The following FGF14 variants were observed in gnomAD, a reference collection of about 807,000 sequenced individuals.
FGF14 encodes fibroblast growth factor homologous factor 4.
In FGF14, 5 loss-of-function variants were observed where a neutral mutation model predicts 25.5. The ratio of observed to expected loss-of-function variants is 0.20; its 90% CI spans 0.10 to 0.41. The LOEUF (loss-of-function observed/expected upper bound fraction) is 0.41. Ranked by LOEUF, FGF14 falls within the 10% of genes least tolerant of loss-of-function variation. The probability of loss-of-function intolerance (pLI) is 1.00; values close to 1 mark genes in which losing one functional copy is unlikely to be tolerated. For missense variants in FGF14, 222 were observed against 320.1 expected (o/e 0.69, Z 2.34); for synonymous variants, 138 against 118.3 (o/e 1.17, Z -1.08).
At chr13:102,365,911 C>A (rs2057698278) in intron 1 of FGF14, among the ~76,000 whole-genome samples, 1 of 152,090 alleles carries the variant, frequency 6.6e-6, no homozygotes, top group Non-Finnish European at 1.5e-5. Flanking sequence ...TATGAGACAG[C>A]CATATTTCCA....
intron 3 of FGF14, among the ~76,000 whole-genome samples, chr13:101,807,488 C>A (rs1025968004): frequency 1.3e-5 from 2 of 152,072 alleles, no homozygotes; most frequent in Admixed American, 6.6e-5. Flanking sequence ...TATTCATTTA[C>A]GTCCTTCTAT....
intron 1 of FGF14, among the ~76,000 whole-genome samples, chr13:102,274,591 G>T (rs944425637): frequency 2.6e-4 from 39 of 152,092 alleles, no homozygotes; most frequent in Non-Finnish European, 8.8e-5. Flanking sequence ...ATGTTGCTCA[G>T]AAGTTCTGAT....
chr13:101,890,579 A>C (rs2046217047), intron 1 of FGF14, among the ~76,000 whole-genome samples: 1 of 152,164 alleles, frequency 6.6e-6, no homozygotes, highest in Non-Finnish European at 1.5e-5. Flanking sequence ...AGGTTACAAC[A>C]ATATGGGGTG....
chr13:101,724,845 A>C (rs1236600557), intron 4 of FGF14, among the ~76,000 whole-genome samples: 1 of 151,480 alleles, frequency 6.6e-6, no homozygotes, highest in Non-Finnish European at 1.5e-5. Context: ...TGAAAACATA[A>C]AAAGTATTAT....
At chr13:101,935,809 G>A (rs1229149455) in intron 1 of FGF14, among the ~76,000 whole-genome samples, 1 of 152,118 alleles carries the variant, frequency 6.6e-6, no homozygotes, top group African/African-American at 2.4e-5. Flanking sequence ...TATCCATCCA[G>A]CAAATGTCTC....
intron 1 of FGF14, among the ~76,000 whole-genome samples, chr13:101,915,799 T>C (rs1321617688): frequency 1.3e-5 from 2 of 152,196 alleles, no homozygotes; most frequent in Non-Finnish European, 2.9e-5. Context: ...TCGGATTCTT[T>C]CTTTAGACTC....
At chr13:102,377,696 T>C (rs1442695724) in intron 1 of FGF14, among the ~76,000 whole-genome samples, 7 of 152,130 alleles carry the variant, frequency 4.6e-5, no homozygotes, top group Non-Finnish European at 1.0e-4. Flanking sequence ...TAATCCCAGC[T>C]ACTCAGGAGG....
intron 1 of FGF14, among the ~76,000 whole-genome samples, chr13:102,048,289 G>T (rs548979044): frequency 1.3e-4 from 20 of 152,258 alleles, no homozygotes; most frequent in African/African-American, 4.3e-4. Flanking sequence ...TCTAGAAAAG[G>T]GGGTGTGAGG....
At chr13:102,047,694 G>A (rs113438753) in intron 1 of FGF14, among the ~76,000 whole-genome samples, 2 of 152,194 alleles carry the variant, frequency 1.3e-5, no homozygotes, top group South Asian at 2.1e-4. Context: ...TGGTGGGAAG[G>A]GGGAGGGATA....
intron 1 of FGF14, among the ~76,000 whole-genome samples, chr13:102,158,621 G>A (rs1315759273): frequency 2.0e-5 from 3 of 151,796 alleles, no homozygotes; most frequent in Non-Finnish European, 2.9e-5. Flanking sequence ...GTATACATAC[G>A]TAACAGACCT....
intron 1 of FGF14, among the ~76,000 whole-genome samples, chr13:101,907,688 T>A (rs186846778): frequency 6.6e-6 from 1 of 152,258 alleles, no homozygotes; most frequent in East Asian, 1.9e-4. Context: ...TAGAGAGAAA[T>A]GCATAACCAA....
In FGF14 at chr13:101,716,658, A is replaced by G. The variant is rs1290057674; in HGVS notation, c.*6173T>C. On this transcript the variant is annotated 3_prime_UTR_variant, in exon 5 of 5. Transcript: ENST00000376143. The stretch of plus-strand genomic sequence containing the variant: ...GTTACATATAAAATGGGCCTGAAGT[A>G]TGCATCCATTTCCCTTAAAATACTT... 6.6e-6 allele frequency: 1 copy of G among 152,082 alleles called. No homozygotes were observed. Among genetic ancestry groups the G allele is most frequent in the Non-Finnish European group, 1.5e-5 (1 of 68,008 alleles). 9.4% of individuals were successfully genotyped at this position (152,082 alleles called of 1,614,324 possible). A position where few individuals can be genotyped will look rare whatever the true frequency, so the allele number is the denominator to read the frequency against.
chr13:102,077,259 C>A (rs1420531007), intron 1 of FGF14, among the ~76,000 whole-genome samples: 1 of 151,898 alleles, frequency 6.6e-6, no homozygotes, highest in Admixed American at 6.6e-5. Flanking sequence ...GGATATAAAG[C>A]CAAAAGCACA....
chr13:101,935,187 G>T (rs1025052747), intron 1 of FGF14, among the ~76,000 whole-genome samples: 6 of 152,182 alleles, frequency 3.9e-5, no homozygotes, highest in Non-Finnish European at 7.3e-5. Flanking sequence ...CTGAAATGAG[G>T]CTTAGGCCAA....
chr13:101,767,307 G>C (rs1173920391), intron 3 of FGF14, among the ~76,000 whole-genome samples: 1 of 152,152 alleles, frequency 6.6e-6, no homozygotes, highest in African/African-American at 2.4e-5. Context: ...TGATGCCAGA[G>C]TGCCAGCCTC....
At chr13:101,893,914 T>A (rs891667519) in intron 1 of FGF14, among the ~76,000 whole-genome samples, 1 of 152,086 alleles carries the variant, frequency 6.6e-6, no homozygotes, top group Non-Finnish European at 1.5e-5. Flanking sequence ...TAGCATCTCA[T>A]GGGGAGGGTC....
intron 1 of FGF14, among the ~76,000 whole-genome samples, chr13:102,126,751 G>A (rs570223475): frequency 1.3e-5 from 2 of 152,204 alleles, no homozygotes; most frequent in Admixed American, 1.3e-4. Context: ...ATCATTTCCT[G>A]TATGCCAGCA....
rs1162316462 is a variant in FGF14, at chr13:102,249,545, GA to G, written c.208+151925del. 2.1e-3 allele frequency among the ~76,000 whole-genome samples: 220 copies of G among 105,628 alleles called. 1 individual carries two copies. Among genetic ancestry groups the G allele is most frequent in the African/African-American group, 6.7e-3 (206 of 30,816 alleles). The allele number at this position is 105,628 out of a possible 152,430, so 69.3% of individuals were successfully genotyped here. A position where few individuals can be genotyped will look rare whatever the true frequency, so the allele number is the denominator to read the frequency against. On this transcript the variant is annotated intron_variant, in intron 1 of 4. Transcript: ENST00000376131. Reference sequence around the variant, plus strand: ...TCAGAGAATTATGGTATGGTACTGAGAGGGGTGTGTGTGTGTGTGTGTGTGT... The same window carrying G: ...TCAGAGAATTATGGTATGGTACTGAGGGGGTGTGTGTGTGTGTGTGTGTGT...
intron 1 of FGF14, chr13:102,016,903 A>C (rs1366025109): frequency 6.6e-6 from 1 of 152,156 alleles, no homozygotes; most frequent in African/African-American, 2.4e-5. Context: ...CCCCTCCCCC[A>C]GTAGCATAGG....
Sources: allele counts gnomAD v4.1 joint callset (sites outside exome capture counted in the v4.1 genomes callset), GRCh38; gene constraint gnomAD v4.1.1; transcripts MANE v1.5; gene names NCBI Gene and HGNC (gene_info 2026-07-23, HGNC 2026-07-21).